APBB1IP: variants seen among roughly 807,000 people sequenced by gnomAD.
APBB1IP encodes amyloid beta A4 precursor protein-binding family B member 1-interacting protein.
A neutral mutation model predicts 64.9 loss-of-function variants in APBB1IP; 27 were observed. The observed-to-expected ratio is 0.42, with a 90% CI of 0.31 to 0.57. The LOEUF is 0.57. Ranked by LOEUF, APBB1IP falls within the 20% of genes least tolerant of loss-of-function variation. APBB1IP has a pLI of 0.20. For synonymous variants in APBB1IP, 392 were observed against 331.0 expected, an observed-to-expected ratio of 1.18 and a Z score of -2.00; for missense variants, 812 against 845.5, an observed-to-expected ratio of 0.96 and a Z score of 0.49.
chr10:26,529,830 A>G (rs1836525497), intron 8 of APBB1IP, among the ~76,000 whole-genome samples: 1 of 152,052 alleles, frequency 6.6e-6, no homozygotes, highest in African/African-American at 2.4e-5. Flanking sequence ...TAGTAGAGAC[A>G]GGGTTTTGCC....
At chr10:26,518,535 C>A (rs1449841961) in intron 8 of APBB1IP, among the ~76,000 whole-genome samples, 1 of 152,178 alleles carries the variant, frequency 6.6e-6, no homozygotes, top group Admixed American at 6.5e-5. Context: ...CTCCCATTAA[C>A]ATTGTATGAG....
At chr10:26,446,496 G>A (rs1835399815) in intron 2 of APBB1IP, among the ~76,000 whole-genome samples, 1 of 152,174 alleles carries the variant, frequency 6.6e-6, no homozygotes, top group South Asian at 2.1e-4. Context: ...ATGGCCGGCC[G>A]TGAGACCACT....
At position 26,478,105 on chromosome 10, in the gene APBB1IP, G is replaced by A. The variant is rs11015123; in HGVS notation, c.1-14222G>A. 1.8e-4 allele frequency among the ~76,000 whole-genome samples: 27 copies of A among 152,334 alleles called. No homozygotes were observed. In the East Asian group the frequency reaches 5.2e-3, roughly 29 times the overall value. On this transcript the variant is annotated intron_variant, in intron 2 of 14. Coordinates refer to ENST00000376236, the MANE Select transcript of APBB1IP (RefSeq NM_019043.4). ...GATGAGCGGGAAGAGAGTATAATTA[G>A]AGAAAGCAGAGGTGGTAGAAACAGT...
chr10:26,511,151 G>T (rs1329981648), intron 6 of APBB1IP, among the ~76,000 whole-genome samples: 1 of 151,996 alleles, frequency 6.6e-6, no homozygotes, highest in African/African-American at 2.4e-5. Flanking sequence ...GACCAGCCTG[G>T]CTAACATGGT....
intron 8 of APBB1IP, among the ~76,000 whole-genome samples, chr10:26,524,724 G>C (rs1392958062): frequency 3.9e-5 from 6 of 152,090 alleles, no homozygotes; most frequent in Non-Finnish European, 8.8e-5. Flanking sequence ...AAGACTTGAA[G>C]TCAACAGAAA....
At chr10:26,527,912 G>A (rs538778520) in intron 8 of APBB1IP, among the ~76,000 whole-genome samples, 110 of 152,044 alleles carry the variant, frequency 7.2e-4, no homozygotes, top group Admixed American at 2.0e-3. Flanking sequence ...GGCTGGTCTC[G>A]AACTCCTGAC....
intron 8 of APBB1IP, among the ~76,000 whole-genome samples, chr10:26,521,246 G>A (rs1836397806): frequency 6.6e-6 from 1 of 152,190 alleles, no homozygotes; most frequent in African/African-American, 2.4e-5. Context: ...TGGTTCTCCA[G>A]AGCCACTGCT....
chr10:26,452,240 A>T (rs1370950247), intron 2 of APBB1IP, among the ~76,000 whole-genome samples: 1 of 152,210 alleles, frequency 6.6e-6, no homozygotes, highest in Non-Finnish European at 1.5e-5. Context: ...GGTAGGAATT[A>T]TTTTCGTTGT....
intron 8 of APBB1IP, among the ~76,000 whole-genome samples, chr10:26,521,252 C>T (rs1034849442): frequency 6.6e-6 from 1 of 152,184 alleles, no homozygotes; most frequent in Admixed American, 6.5e-5. Context: ...TCCAGAGCCA[C>T]TGCTGAAATC....
chr10:26,557,320 AC>A (rs2132481117), intron 11 of APBB1IP, among the ~76,000 whole-genome samples: 1 of 152,344 alleles, frequency 6.6e-6, no homozygotes, highest in East Asian at 1.9e-4. Flanking sequence ...TGAAGTTCTC[AC>A]CGTCGGTAGA....
intron 6 of APBB1IP, among the ~76,000 whole-genome samples, chr10:26,507,687 G>T (rs1317244704): frequency 6.6e-6 from 1 of 152,186 alleles, no homozygotes; most frequent in Non-Finnish European, 1.5e-5. Flanking sequence ...AAAGACAAAA[G>T]AAAATGGTAA....
intron 5 of APBB1IP, among the ~76,000 whole-genome samples, chr10:26,502,326 T>C (rs1836114169): frequency 6.6e-6 from 1 of 152,224 alleles, no homozygotes; most frequent in African/African-American, 2.4e-5. Context: ...CTTTTGTTTT[T>C]TGGTGAATTG....
intron 2 of APBB1IP, among the ~76,000 whole-genome samples, chr10:26,443,510 G>T (rs1835359320): frequency 6.6e-6 from 1 of 150,942 alleles, no homozygotes; most frequent in African/African-American, 2.4e-5. Context: ...AAAAGAATAT[G>T]TAACTTAGGA....
intron 4 of APBB1IP, among the ~76,000 whole-genome samples, chr10:26,499,340 A>G (rs938169675): frequency 2.6e-5 from 4 of 152,104 alleles, no homozygotes; most frequent in African/African-American, 9.7e-5. Context: ...AAGAAATTAT[A>G]TATAAAAAAG....
rs577035392 is a variant in APBB1IP, at chr10:26,482,194, G to C, written c.1-10133G>C. On this transcript the variant is annotated intron_variant, in intron 2 of 14. Coordinates refer to ENST00000376236, the MANE Select transcript of APBB1IP (RefSeq NM_019043.4). ...TATTAAGATTTTCACCGATCTCAGG[G>C]GTACAGTGCAAAGTTGGTTAAGTTG... Among the ~76,000 whole-genome samples the C allele has an allele frequency of 1.1e-3, 173 of 152,170 alleles. 1 individual carries two copies. Among genetic ancestry groups the C allele is most frequent in the African/African-American group, 4.0e-3 (165 of 41,504 alleles).
intron 8 of APBB1IP, among the ~76,000 whole-genome samples, chr10:26,532,711 G>A (rs1160048360): frequency 1.3e-5 from 2 of 152,098 alleles, no homozygotes; most frequent in East Asian, 1.9e-4. Context: ...GCTGGTCTCA[G>A]ACTCCAGGGT....
chr10:26,458,342 C>G lies in APBB1IP; in HGVS notation c.-1+19489C>G, dbSNP rs550393035. On this transcript the variant is annotated intron_variant, in intron 2 of 14. Transcript: ENST00000376236. Reference sequence around the variant, plus strand: ...GGCGGAGGTTGCAGTGAGCCAAGATCTTGCCGTTGCACTCCAGCCTGGGTG... The same window carrying G: ...GGCGGAGGTTGCAGTGAGCCAAGATGTTGCCGTTGCACTCCAGCCTGGGTG... Among the ~76,000 whole-genome samples, 18 of 151,882 alleles carry G rather than the reference C, an allele frequency of 1.2e-4. 1 individual carries two copies. In the East Asian group the frequency reaches 3.5e-3, roughly 29 times the overall value.
At chr10:26,501,575 G>A (rs1012163833) in intron 5 of APBB1IP, 1 of 182,016 alleles carries the variant, frequency 5.5e-6, no homozygotes, top group Non-Finnish European at 1.2e-5. Context: ...AGTATCACTT[G>A]TAATGTCATA....
intron 3 of APBB1IP, 152 bp downstream of exon 3, chr10:26,492,550 T>G: frequency 1.4e-6 from 1 of 693,868 alleles, no homozygotes; most frequent in Middle Eastern, 3.9e-4. Context: ...CTATTTTCCC[T>G]AAGTGACGGC....
Sources: gnomAD v4.1 joint callset for allele counts (sites outside exome capture counted in the v4.1 genomes callset) on GRCh38, gnomAD v4.1.1 for gene constraint, MANE v1.5 for transcripts, NCBI Gene and HGNC (gene_info 2026-07-23, HGNC 2026-07-21) for gene names.